SASH1: variants seen among roughly 807,000 people sequenced by gnomAD.
SASH1 encodes SAM and SH3 domain containing 1.
SASH1 carries 44 observed loss-of-function variants against 125.2 expected under a neutral mutation model. The observed-to-expected ratio is 0.35, with a 90% CI of 0.28 to 0.45. SASH1 has a LOEUF of 0.45. Among genes scored for constraint, SASH1 ranks in the 20% least tolerant of loss-of-function variants. The probability of loss-of-function intolerance (pLI) is 1.00; values close to 1 mark genes in which losing one functional copy is unlikely to be tolerated. For missense variants in SASH1, 1,426 were observed against 1,614.5 expected, an observed-to-expected ratio of 0.88 and a Z score of 2.00; for synonymous variants, 639 against 649.1, an observed-to-expected ratio of 0.98 and a Z score of 0.24.
At chr6:148,292,880 G>C (rs1779670265) in intron 1 of SASH1, among the ~76,000 whole-genome samples, 1 of 152,022 alleles carries the variant, frequency 6.6e-6, no homozygotes, top group African/African-American at 2.4e-5. Flanking sequence ...ACAAAATCCT[G>C]TCTCTACTAA....
the SASH1 span, among the ~76,000 whole-genome samples, chr6:148,211,140 A>T: frequency 2.6e-5 from 4 of 152,364 alleles, 1 homozygote; most frequent in South Asian, 4.1e-4. Flanking sequence ...AAACAATTAC[A>T]TTCATCCAGT....
intron 1 of SASH1, among the ~76,000 whole-genome samples, chr6:148,380,104 G>A (rs888794858): frequency 2.6e-5 from 4 of 152,280 alleles, no homozygotes; most frequent in African/African-American, 4.8e-5. Context: ...GGTTACCAGC[G>A]TCATGCCTGT....
At chr6:148,225,094 A>G in the SASH1 span, among the ~76,000 whole-genome samples, 1 of 152,146 alleles carries the variant, frequency 6.6e-6, no homozygotes, top group Admixed American at 6.6e-5. Flanking sequence ...GAGCAAGAGG[A>G]GCCCCTGGTT....
At chr6:148,197,406 A>G in the SASH1 span, among the ~76,000 whole-genome samples, 6 of 152,178 alleles carry the variant, frequency 3.9e-5, no homozygotes, top group Admixed American at 3.9e-4. Context: ...AAGTCTAATT[A>G]TTTTCCATAG....
At chr6:148,421,205 GAA>G (rs1332402528) in intron 2 of SASH1, among the ~76,000 whole-genome samples, 1 of 138,932 alleles carries the variant, frequency 7.2e-6, no homozygotes, top group East Asian at 2.2e-4. Context: ...AAGAAAGAAA[GAA>G]AGAAAGAAAA....
At chr6:148,361,153 A>G (rs970094110) in intron 1 of SASH1, among the ~76,000 whole-genome samples, 1 of 152,194 alleles carries the variant, frequency 6.6e-6, no homozygotes, top group Non-Finnish European at 1.5e-5. Flanking sequence ...GAGGACCTCT[A>G]GCCTCTAGAA....
At chr6:148,508,625 A>G in intron 8 of SASH1, 1 of 1,149,762 alleles carries the variant, frequency 8.7e-7, no homozygotes, top group Non-Finnish European at 1.1e-6. Context: ...CGACTGGGGA[A>G]TCAGTCAGCA....
At chr6:148,417,499 C>T (rs983187436) in intron 2 of SASH1, among the ~76,000 whole-genome samples, 2 of 152,070 alleles carry the variant, frequency 1.3e-5, no homozygotes, top group African/African-American at 2.4e-5. Context: ...ACAGGAGAAT[C>T]GCTTGAACCT....
chr6:148,297,694 G>C (rs1379354380), intron 1 of SASH1, among the ~76,000 whole-genome samples: 1 of 152,040 alleles, frequency 6.6e-6, no homozygotes, highest in Admixed American at 6.5e-5. Context: ...GCTGGGTGTG[G>C]CAGCGTGCAC....
the SASH1 span, among the ~76,000 whole-genome samples, chr6:148,215,853 A>T: frequency 3.2e-4 from 49 of 151,636 alleles, no homozygotes; most frequent in Middle Eastern, 3.4e-3. Flanking sequence ...TTATTTATTT[A>T]TTTTATTTAT....
At chr6:148,454,755 G>A (rs1334385933) in intron 4 of SASH1, among the ~76,000 whole-genome samples, 1 of 152,128 alleles carries the variant, frequency 6.6e-6, no homozygotes, top group East Asian at 1.9e-4. Context: ...GTGAAGAGAG[G>A]GAGAGATCTG....
intron 1 of SASH1, among the ~76,000 whole-genome samples, chr6:148,290,370 G>T (rs980946178): frequency 1.3e-5 from 2 of 151,302 alleles, no homozygotes; most frequent in Non-Finnish European, 2.9e-5. Flanking sequence ...ACTTTGGGAG[G>T]CCGAGGCGGG....
intron 7 of SASH1, 72 bp from the exon 8 acceptor site, chr6:148,487,542 A>G (rs1778929736): frequency 9.2e-7 from 1 of 1,085,328 alleles, no homozygotes; most frequent in South Asian, 1.4e-5. Flanking sequence ...TATTTGAGTC[A>G]TTTCCCTGTA....
the SASH1 span, among the ~76,000 whole-genome samples, chr6:148,267,187 T>C: frequency 3.3e-5 from 5 of 152,164 alleles, no homozygotes; most frequent in African/African-American, 9.7e-5. Flanking sequence ...TTAATGGAAA[T>C]GTTAGATATT....
the SASH1 span, among the ~76,000 whole-genome samples, chr6:148,248,337 G>A: frequency 6.6e-6 from 1 of 152,178 alleles, no homozygotes. Context: ...TCCAAGAGCC[G>A]GTACAAAGCT....
chr6:148,387,648 CTTTCTTTCTTTCTTTCTTTCT>C (rs1783504666), intron 1 of SASH1, among the ~76,000 whole-genome samples: 1 of 46,934 alleles, frequency 2.1e-5, no homozygotes, highest in South Asian at 7.5e-4. Flanking sequence ...TTCTTTCTTT[CTTTCTTTCTTTCTTTCTTTCT>C]TTCTTTCTTT....
chr6:148,544,154 C>T lies in SASH1; in HGVS notation c.2684C>T (p.Thr895Ile), dbSNP rs1267185391. ...GCTGTCGACAATGCATTGCTACTGA[C>T]CCAAAGCAAGAGATTTTCTGAACCT... ...DSAVDNALLL[T>I]QSKRFSEPQK... The change falls in exon 18 of 20, where the codon ACC becomes ATC. Residue 895 changes from threonine (T) to isoleucine (I), a missense_variant. Physicochemically the swap from Thr to Ile is moderately conservative, Grantham distance 89. Around this residue, in one of 3 missense-constraint regions of SASH1, gnomAD observed 634 missense variants for 694.4 expected, o/e 0.91. Transcript: ENST00000367467. This position sits in a 1 kb window ranked among gnomAD's most constrained non-coding sequence, Gnocchi z 6.4. 1.2e-6 allele frequency: 2 copies of T among 1,614,072 alleles called. No individual in the cohort carries two copies. Among genetic ancestry groups the T allele is most frequent in the Non-Finnish European group, 1.7e-6 (2 of 1,180,002 alleles).
At chr6:148,443,434 A>AAT (rs1311581537) in intron 4 of SASH1, among the ~76,000 whole-genome samples, 5 of 50,166 alleles carry the variant, frequency 1.0e-4, no homozygotes, top group African/African-American at 1.6e-4. Context: ...CTTTGTAGTG[A>AAT]ATATATATAT....
At chr6:148,546,170 C>A in intron 19 of SASH1, 24 bp downstream of exon 19, 1 of 1,609,608 alleles carries the variant, frequency 6.2e-7, no homozygotes, top group Non-Finnish European at 8.5e-7. Context: ...AGTTCTCCAG[C>A]TTCCTGAGGC....
Sources: allele counts gnomAD v4.1 joint callset (sites outside exome capture counted in the v4.1 genomes callset), GRCh38; gene constraint gnomAD v4.1.1; regional missense constraint gnomAD v4.1.1; non-coding constraint Gnocchi (gnomAD v3.1); transcripts MANE v1.5; gene names NCBI Gene and HGNC (gene_info 2026-07-23, HGNC 2026-07-21).